Variants in ANKS1B observed in about 807,000 individuals in gnomAD.
ANKS1B encodes ankyrin repeat and sterile alpha motif domain-containing protein 1B.
A neutral mutation model predicts 148.3 loss-of-function variants in ANKS1B; 36 were observed. The observed-to-expected ratio is 0.24, with a 90% CI of 0.19 to 0.32. The LOEUF is 0.32. Among genes scored for constraint, ANKS1B ranks in the 10% least tolerant of loss-of-function variants. The probability of loss-of-function intolerance (pLI) is 1.00; values close to 1 mark genes in which losing one functional copy is unlikely to be tolerated. For synonymous variants in ANKS1B, 542 were observed against 560.8 expected (o/e 0.97, Z 0.47); for missense variants, 1,157 against 1,542.6 (o/e 0.75, Z 4.19).
intron 9 of ANKS1B, among the ~76,000 whole-genome samples, chr12:99,644,762 G>A (rs1297693880): frequency 6.6e-6 from 1 of 152,184 alleles, no homozygotes; most frequent in Non-Finnish European, 1.5e-5. Flanking sequence ...CAAGGTCAAA[G>A]TCTAAAATGA....
At chr12:99,322,020 G>A (rs2085371974) in intron 12 of ANKS1B, among the ~76,000 whole-genome samples, 1 of 152,090 alleles carries the variant, frequency 6.6e-6, no homozygotes, top group South Asian at 2.1e-4. Context: ...TATACCCAAA[G>A]GAAAATAAAT....
intron 12 of ANKS1B, among the ~76,000 whole-genome samples, chr12:99,316,831 T>C (rs955412685): frequency 2.0e-5 from 3 of 152,234 alleles, no homozygotes; most frequent in African/African-American, 7.2e-5. Context: ...TAATCTATCT[T>C]GAATTAATTT....
At chr12:99,807,965 T>G (rs10431452) in intron 3 of ANKS1B, among the ~76,000 whole-genome samples, 94,663 of 151,868 alleles carry the variant, frequency 0.62, 29,793 homozygotes, top group African/African-American at 0.69. Context: ...CATGGACAAG[T>G]AAACTAAAAT....
intron 11 of ANKS1B, among the ~76,000 whole-genome samples, chr12:99,410,568 C>T (rs1404293610): frequency 6.6e-6 from 1 of 152,126 alleles, no homozygotes; most frequent in Non-Finnish European, 1.5e-5. Context: ...ACTCGGGAGG[C>T]TGAGGCAGGA....
chr12:98,944,492 G>C (rs899389535), intron 17 of ANKS1B, among the ~76,000 whole-genome samples: 5 of 152,036 alleles, frequency 3.3e-5, no homozygotes, highest in Admixed American at 1.3e-4. Flanking sequence ...CTCAGCCTCA[G>C]GCATTCCTTT....
chr12:99,341,445 C>T (rs1247827904), intron 12 of ANKS1B, among the ~76,000 whole-genome samples: 1 of 152,074 alleles, frequency 6.6e-6, no homozygotes, highest in Non-Finnish European at 1.5e-5. Context: ...AGTACCAGTA[C>T]CTACACCTAG....
chr12:99,652,889 T>C (rs2098430395), intron 9 of ANKS1B, among the ~76,000 whole-genome samples: 4 of 152,132 alleles, frequency 2.6e-5, no homozygotes, highest in African/African-American at 7.2e-5. Context: ...AGAGCCATAA[T>C]TGAAATTTAT....
In ANKS1B at chr12:99,142,903, A is replaced by G. The variant is rs74502489; in HGVS notation, c.2526+11386T>C. On this transcript the variant is annotated intron_variant, in intron 15 of 26. Coordinates refer to ENST00000683438, the MANE Select transcript of ANKS1B (RefSeq NM_001352186.2). ...CTGAATATTCCTGTTTACTTGTCTT[A>G]GGCTAACAGATAACTGGATGGGCCA... Among the ~76,000 whole-genome samples, 1,170 of 152,226 alleles carry G rather than the reference A, an allele frequency of 7.7e-3. 16 individuals carry two copies. The highest frequency in any genetic ancestry group is 0.027 in the African/African-American group (1,139 of 41,556).
intron 10 of ANKS1B, among the ~76,000 whole-genome samples, chr12:99,457,476 C>T (rs1305540631): frequency 2.0e-5 from 3 of 151,936 alleles, no homozygotes; most frequent in Non-Finnish European, 2.9e-5. Flanking sequence ...TTAAAAGACA[C>T]AGAATGGTAG....
chr12:99,074,222 T>C (rs528027549), intron 16 of ANKS1B, among the ~76,000 whole-genome samples: 1 of 152,234 alleles, frequency 6.6e-6, no homozygotes, highest in African/African-American at 2.4e-5. Flanking sequence ...CCTATTTTCC[T>C]GCCTAATTCC....
intron 15 of ANKS1B, among the ~76,000 whole-genome samples, chr12:99,094,916 GGAAGTTGAGCTC>G (rs1337180627): frequency 6.6e-6 from 1 of 152,094 alleles, no homozygotes; most frequent in Non-Finnish European, 1.5e-5. Context: ...TGGGAGGTAT[GGAAGTTGAGCTC>G]GACAATCAAA....
rs2098228456 is a variant in ANKS1B, at chr12:99,635,748, C to A, written c.1272+19319G>T. Among the ~76,000 whole-genome samples the A allele has an allele frequency of 2.0e-5, 3 of 151,898 alleles. No individual in the cohort carries two copies. In the South Asian group the frequency reaches 6.2e-4, roughly 31 times the overall value. ...TTAAAAATAGTTAATATGGAAAATT[C>A]TATGTTACGTGTATCTTCACAATTT... On this transcript the variant is annotated intron_variant, in intron 9 of 26. Coordinates refer to ENST00000683438, the MANE Select transcript of ANKS1B (RefSeq NM_001352186.2).
intron 1 of ANKS1B, among the ~76,000 whole-genome samples, chr12:99,838,104 T>C (rs1299277002): frequency 6.6e-6 from 1 of 152,068 alleles, no homozygotes; most frequent in East Asian, 1.9e-4. Context: ...AGACATTATT[T>C]CATTCTCTTT....
intron 10 of ANKS1B, among the ~76,000 whole-genome samples, chr12:99,493,782 T>C (rs1156529618): frequency 6.6e-6 from 1 of 152,114 alleles, no homozygotes; most frequent in Non-Finnish European, 1.5e-5. Flanking sequence ...CCCTTGGAGA[T>C]ATATAAGTAA....
At chr12:99,318,570 T>C (rs570091166) in intron 12 of ANKS1B, among the ~76,000 whole-genome samples, 4 of 152,202 alleles carry the variant, frequency 2.6e-5, no homozygotes, top group South Asian at 4.1e-4. Flanking sequence ...TTTTCTCCAT[T>C]ATTAGTCTTG....
chr12:99,135,146 G>A, intron 15 of ANKS1B, among the ~76,000 whole-genome samples: 1 of 152,122 alleles, frequency 6.6e-6, no homozygotes, highest in East Asian at 1.9e-4. Flanking sequence ...GAGAAAAAGA[G>A]CCTTGAGAAA....
rs1440791355 is a variant in ANKS1B, at chr12:98,895,257, T to A, written c.2779-63121A>T. 8 of 985,310 alleles carry A rather than the reference T, an allele frequency of 8.1e-6. No homozygotes were observed. The African/African-American group carries it at 1.4e-4, about 17-fold the overall frequency. The allele number at this position is 985,310 out of a possible 1,614,324, so 61.0% of individuals were successfully genotyped here. On this transcript the variant is annotated intron_variant, in intron 17 of 26. Coordinates refer to ENST00000683438, the MANE Select transcript of ANKS1B (RefSeq NM_001352186.2). ...CTCCTCCTGGCTCCCAGGCACTCGCTGCTGCTGGGCGCCCCTCGCATCCTC... is the reference window on the plus strand; with the variant it reads ...CTCCTCCTGGCTCCCAGGCACTCGCAGCTGCTGGGCGCCCCTCGCATCCTC...
At chr12:99,556,656 T>C (rs1057344728) in intron 9 of ANKS1B, among the ~76,000 whole-genome samples, 2 of 152,204 alleles carry the variant, frequency 1.3e-5, no homozygotes, top group Admixed American at 6.5e-5. Context: ...TTGTTCTCCT[T>C]AGTATCAAAT....
intron 17 of ANKS1B, among the ~76,000 whole-genome samples, chr12:99,051,879 C>A (rs2099966307): frequency 6.6e-6 from 1 of 152,156 alleles, no homozygotes; most frequent in Admixed American, 6.5e-5. Flanking sequence ...CTAATAATAA[C>A]CATCATTTAA....
Sources: allele counts gnomAD v4.1 joint callset (sites outside exome capture counted in the v4.1 genomes callset), GRCh38; gene constraint gnomAD v4.1.1; transcripts MANE v1.5; gene names NCBI Gene and HGNC (gene_info 2026-07-23, HGNC 2026-07-21).